Variants in ITPKA observed in about 807,000 individuals in gnomAD.
ITPKA encodes inositol-trisphosphate 3-kinase A, also known as IP3 3-kinase A.
A neutral mutation model predicts 40.7 loss-of-function variants in ITPKA; 16 were observed. The ratio of observed to expected loss-of-function variants is 0.39; its 90% confidence interval spans 0.27 to 0.60. The LOEUF (loss-of-function observed/expected upper bound fraction) is 0.60, where lower values mean the gene tolerates loss of function less well. Among genes scored for constraint, ITPKA ranks in the 20% least tolerant of loss-of-function variants. The probability of loss-of-function intolerance (pLI) is 0.50; values close to 1 mark genes in which losing one functional copy is unlikely to be tolerated. For missense variants in ITPKA, 540 were observed against 649.3 expected, an observed-to-expected ratio of 0.83 and a Z score of 1.83; for synonymous variants, 313 against 289.9, an observed-to-expected ratio of 1.08 and a Z score of -0.81.
Position 41,503,142 on chromosome 15 carries a change from C to T in ITPKA, c.1362C>T (p.Ile454=), listed in dbSNP as rs2051134561. Residue 454 remains isoleucine, a synonymous_variant, in exon 7 of 7, where the codon ATC becomes ATT. Transcript: ENST00000260386. ...TGGGGCTGGACAATCTCATTGGCAT[C>T]CTGGCCAGCCTGGCTGAGAGATGAG... ...YLLGLDNLIG[I]LASLAER 1.3e-6 allele frequency: 2 copies of T among 1,589,002 alleles called. No individual in the cohort carries two copies. Among genetic ancestry groups the T allele is most frequent in the African/African-American group, 1.3e-5 (1 of 74,602 alleles).
At chr15:41,501,351 G>A in intron 1 of ITPKA, 112 bp from the exon 2 acceptor site, 1 of 1,501,360 alleles carries the variant, frequency 6.7e-7, no homozygotes, top group Admixed American at 2.2e-5. Flanking sequence ...GACTCATCCA[G>A]CCCCAGCTGC....
rs1247333500 is a variant in ITPKA, at chr15:41,493,974, C to T, written c.47C>T (p.Ala16Val). 1.9e-6 allele frequency: 2 copies of T among 1,080,544 alleles called. No individual in the cohort carries two copies. The highest frequency in any genetic ancestry group is 6.2e-5 in the East Asian group (1 of 16,206). The allele number at this position is 1,080,544 out of a possible 1,614,324, so 66.9% of individuals were successfully genotyped here. Residue 16 changes from alanine (A) to valine (V), a missense_variant, in exon 1 of 7, where the codon GCG (alanine) becomes GTG (valine). By Grantham distance (64) the Ala-to-Val change is moderately conservative. Transcript: ENST00000260386. The part of the protein sequence containing the change: ...GPTGMARPGG[A>V]RPCSPGLERA... ...ACGGGCATGGCGCGGCCGGGGGGCG[C>T]GAGGCCCTGCAGCCCGGGGCTGGAG...
At chr15:41,501,945 G>A in intron 3 of ITPKA, 52 bp from the exon 4 acceptor site, 2 of 1,593,708 alleles carry the variant, frequency 1.3e-6, no homozygotes, top group South Asian at 2.2e-5. Flanking sequence ...GTGCTCGAAG[G>A]GGTCTCCGTG....
At position 41,494,131 on chromosome 15, in the gene ITPKA, C is replaced by A. The variant is rs780411374; in HGVS notation, c.204C>A (p.Asn68Lys). The change falls in exon 1 of 7, where the codon AAC becomes AAA. Residue 68 changes from asparagine to lysine, a missense_variant. Transcript: ENST00000260386. This position sits in a 1 kb window ranked among gnomAD's most constrained non-coding sequence, Gnocchi z 7.8. ...GAKRRGGQVP[N>K]GLPRAPPAPV... ...AGCGGCGTGGGGGACAGGTCCCCAA[C>A]GGGCTTCCGCGGGCTCCCCCGGCCC... is the stretch of plus-strand genomic sequence containing the variant. The A allele has an allele frequency of 6.9e-7, 1 of 1,444,974 alleles. No individual in the cohort carries two copies. Among genetic ancestry groups the A allele is most frequent in the Non-Finnish European group, 9.1e-7 (1 of 1,100,630 alleles). The allele number at this position is 1,444,974 out of a possible 1,614,324, so 89.5% of individuals were successfully genotyped here.
chr15:41,501,926 C>G lies in ITPKA; in HGVS notation c.804-71C>G, dbSNP rs1006071034. On this transcript the variant is annotated intron_variant, in intron 3 of 6. Coordinates refer to ENST00000260386, the MANE Select transcript of ITPKA (RefSeq NM_002220.3). ...GCCGGGACAGCTGCTTGAGGGGGAC[C>G]CGGGGCGAGTGCTCGAAGGGGTCTC... 8.6e-5 allele frequency: 137 copies of G among 1,589,854 alleles called. No individual in the cohort carries two copies. The Admixed American group carries it at 2.3e-3, about 27-fold the overall frequency.
At chr15:41,497,630 A>G (rs566191598) in intron 1 of ITPKA, among the ~76,000 whole-genome samples, 77 of 152,356 alleles carry the variant, frequency 5.1e-4, no homozygotes, top group African/African-American at 1.7e-3. Context: ...AACTCCTGCC[A>G]TGCTTGGCCA....
At chr15:41,495,825 AAGC>A (rs1456609260) in intron 1 of ITPKA, among the ~76,000 whole-genome samples, 3 of 152,242 alleles carry the variant, frequency 2.0e-5, no homozygotes. Flanking sequence ...AAAGGGCGCG[AAGC>A]GCGGGCGCGT....
Position 41,501,689 on chromosome 15 carries a change from C to A in ITPKA, c.641C>A (p.Pro214Gln). Reference protein sequence around the residue: ...SGLILKRCSEPERYCLARLMA... With the variant: ...SGLILKRCSEQERYCLARLMA... ...CTGATCCTGAAGCGCTGCTCGGAGC[C>A]GGAGCGCTACTGCCTGGCGCGGCTG... is the stretch of plus-strand genomic sequence containing the variant. Residue 214 changes from proline (P) to glutamine (Q), a missense_variant, in exon 3 of 7, where the codon CCG (proline) becomes CAG (glutamine). By Grantham distance (76) the Pro-to-Gln change is moderately conservative (BLOSUM62 -1). Transcript: ENST00000260386. 6.2e-7 allele frequency: 1 copy of A among 1,609,970 alleles called. No homozygotes were observed. Among genetic ancestry groups the A allele is most frequent in the South Asian group, 1.1e-5 (1 of 90,732 alleles).
At position 41,502,872 on chromosome 15, in the gene ITPKA, T is replaced by A. The variant is rs768455327; in HGVS notation, c.1182+13T>A. The A allele has an allele frequency of 6.2e-7, 1 of 1,610,354 alleles. No individual in the cohort carries two copies. The highest frequency in any genetic ancestry group is 8.5e-7 in the Non-Finnish European group (1 of 1,178,582). ...CAGGAGGCACGAGGTAAGCGGCGGC[T>A]GCCCGGGTGCCCGGGCCGCGAGGGC... On this transcript the variant is annotated intron_variant, in intron 6 of 6. Coordinates refer to ENST00000260386, the MANE Select transcript of ITPKA (RefSeq NM_002220.3).
intron 1 of ITPKA, among the ~76,000 whole-genome samples, chr15:41,495,735 C>T (rs1395574791): frequency 1.3e-5 from 2 of 152,216 alleles, no homozygotes; most frequent in African/African-American, 4.8e-5. Context: ...TGAGAGGCCC[C>T]CCGCCCCGCC....
At position 41,503,550 on chromosome 15, in the gene ITPKA, G is replaced by A. The variant is rs770309456; in HGVS notation, c.*384G>A. The A allele has an allele frequency of 1.7e-6, 1 of 572,666 alleles. No individual in the cohort carries two copies. Among genetic ancestry groups the A allele is most frequent in the Admixed American group, 1.9e-5 (1 of 53,104 alleles). 35.5% of individuals were successfully genotyped at this position (572,666 alleles called of 1,614,324 possible). On this transcript the variant is annotated 3_prime_UTR_variant, in exon 7 of 7. Coordinates refer to ENST00000260386, the MANE Select transcript of ITPKA (RefSeq NM_002220.3). ...CCTTCCTAATAAAACTCAAAGACAAGATGCAGCTTCCTGTGCCTCAGGCCT... is the reference window on the plus strand; with the variant it reads ...CCTTCCTAATAAAACTCAAAGACAAAATGCAGCTTCCTGTGCCTCAGGCCT...
At position 41,501,691 on chromosome 15, in the gene ITPKA, G is replaced by A; in HGVS notation, c.643G>A (p.Glu215Lys). ...GLILKRCSEPERYCLARLMAD... is the reference protein window; with the variant it reads ...GLILKRCSEPKRYCLARLMAD... ...GATCCTGAAGCGCTGCTCGGAGCCG[G>A]AGCGCTACTGCCTGGCGCGGCTGAT... Residue 215 changes from glutamate (E) to lysine (K), a missense_variant, in exon 3 of 7, where the codon GAG becomes AAG. Physicochemically the swap from Glu to Lys is moderately conservative, Grantham distance 56 (BLOSUM62 1). Coordinates refer to ENST00000260386, the MANE Select transcript of ITPKA (RefSeq NM_002220.3). 6.2e-7 allele frequency: 1 copy of A among 1,610,084 alleles called. No homozygotes were observed. The highest frequency in any genetic ancestry group is 8.5e-7 in the Non-Finnish European group (1 of 1,178,746).
At chr15:41,501,597 G>T in intron 2 of ITPKA, 38 bp downstream of exon 2, 1 of 1,579,370 alleles carries the variant, frequency 6.3e-7, no homozygotes, top group Non-Finnish European at 8.6e-7. Flanking sequence ...CCCGCGACGG[G>T]AAGGGGCTGG....
At chr15:41,502,551 A>T in intron 5 of ITPKA, 48 bp downstream of exon 5, 1 of 1,166,948 alleles carries the variant, frequency 8.6e-7, no homozygotes, top group Non-Finnish European at 1.3e-6. Flanking sequence ...CCTGAAGCCG[A>T]GGACTGCCCC....
At chr15:41,502,892 G>C in intron 6 of ITPKA, 33 bp downstream of exon 6, 2 of 1,608,428 alleles carry the variant, frequency 1.2e-6, no homozygotes, top group African/African-American at 1.3e-5. Context: ...CCCGGGCCGC[G>C]AGGGCTAGGG....
intron 1 of ITPKA, 124 bp from the exon 2 acceptor site, chr15:41,501,336 TTAA>T: frequency 6.8e-7 from 1 of 1,480,332 alleles, no homozygotes; most frequent in Admixed American, 2.4e-5. Context: ...AATGAATGAA[TTAA>T]TGACTCATCC....
In ITPKA at chr15:41,503,383, A is replaced by C; in HGVS notation, c.*217A>C. 2.4e-5 allele frequency: 14 copies of C among 585,362 alleles called. No individual in the cohort carries two copies. The highest frequency in any genetic ancestry group is 1.2e-4 in the East Asian group (4 of 34,408). 36.3% of individuals were successfully genotyped at this position (585,362 alleles called of 1,614,324 possible). On this transcript the variant is annotated 3_prime_UTR_variant, in exon 7 of 7. Transcript: ENST00000260386. ...TCCCAGAGCCAAATGACACTAACTT[A>C]TAGAAGGGGAGGGGGCAAAGGGCTT...
At position 41,502,959 on chromosome 15, in the gene ITPKA, G is replaced by T. The variant is rs774028656; in HGVS notation, c.1183-4G>T. On this transcript the variant is annotated splice_region_variant and splice_polypyrimidine_tract_variant and intron_variant, in intron 6 of 6. Coordinates refer to ENST00000260386, the MANE Select transcript of ITPKA (RefSeq NM_002220.3). Reference sequence around the variant, plus strand: ...GCCGCGGCCTGACGGTGCGGGGCTCGCAGGTGATCGGCAGCTCGCTCCTCT... The same window carrying T: ...GCCGCGGCCTGACGGTGCGGGGCTCTCAGGTGATCGGCAGCTCGCTCCTCT... 2 of 1,596,926 alleles carry T rather than the reference G, an allele frequency of 1.3e-6. No individual in the cohort carries two copies. Among genetic ancestry groups the T allele is most frequent in the Non-Finnish European group, 1.7e-6 (2 of 1,170,544 alleles).
In ITPKA at chr15:41,494,399, G is replaced by T. The variant is rs1304489279; in HGVS notation, c.472G>T (p.Gly158Cys). ...RSRGNVQLEA[G>C]EDVGQKNHWQ... ...CCGCGGCAACGTGCAGCTGGAAGCG[G>T]GCGAGGACGTGGGTCAGGTACGGGC... Residue 158 changes from glycine (G) to cysteine (C), a missense_variant, in exon 1 of 7, where the codon GGC (glycine) becomes TGC (cysteine). Coordinates refer to ENST00000260386, the MANE Select transcript of ITPKA (RefSeq NM_002220.3). The surrounding 1 kb of genome is among the most constrained non-coding windows in gnomAD (Gnocchi z 7.8). 27 of 1,479,360 alleles carry T rather than the reference G, an allele frequency of 1.8e-5. No homozygotes were observed. The highest frequency in any genetic ancestry group is 2.4e-5 in the Non-Finnish European group (27 of 1,116,562). 91.6% of individuals were successfully genotyped at this position (1,479,360 alleles called of 1,614,324 possible).
Sources: gnomAD v4.1 joint callset for allele counts (sites outside exome capture counted in the v4.1 genomes callset) on GRCh38, gnomAD v4.1.1 for gene constraint, Gnocchi (gnomAD v3.1) non-coding constraint, MANE v1.5 for transcripts, NCBI Gene and HGNC (gene_info 2026-07-23, HGNC 2026-07-21) for gene names.